RAB40C: variants seen among roughly 807,000 people sequenced by gnomAD.
RAB40C encodes RAB40C, member RAS oncogene family, also known as ras-related protein Rab-40C.
A neutral mutation model predicts 28.1 loss-of-function variants in RAB40C; 8 were observed. That is an observed-to-expected ratio of 0.28 (90% CI 0.17 to 0.51). RAB40C has a LOEUF of 0.51. Ranked by LOEUF, RAB40C falls within the 20% of genes least tolerant of loss-of-function variation. The pLI is 0.97. For synonymous variants in RAB40C, 201 were observed against 171.7 expected (o/e 1.17, Z -1.34); for missense variants, 288 against 405.9 (o/e 0.71, Z 2.50).
chr16:596,844 C>T (rs1259288303), intron 1 of RAB40C, among the ~76,000 whole-genome samples: 3 of 152,148 alleles, frequency 2.0e-5, no homozygotes, highest in African/African-American at 7.2e-5. Flanking sequence ...AGGGTGGACT[C>T]GCACTTTGAG....
chr16:603,335 A>G (rs998443961), intron 1 of RAB40C, among the ~76,000 whole-genome samples: 4 of 152,196 alleles, frequency 2.6e-5, no homozygotes, highest in South Asian at 4.1e-4. Context: ...ACTGTCCTCC[A>G]TCAGGCAGGC....
intron 1 of RAB40C, among the ~76,000 whole-genome samples, chr16:606,878 C>A (rs937851816): frequency 1.3e-5 from 2 of 152,194 alleles, no homozygotes; most frequent in African/African-American, 4.8e-5. Context: ...TCTCCCACCT[C>A]GAGATCCGTG....
At chr16:594,789 C>T in intron 1 of RAB40C, among the ~76,000 whole-genome samples, 1 of 151,566 alleles carries the variant, frequency 6.6e-6, no homozygotes, top group East Asian at 1.9e-4. Flanking sequence ...TTCTCCTCCC[C>T]TGCACTTGAT....
At chr16:617,768 G>A (rs1384994030) in intron 2 of RAB40C, among the ~76,000 whole-genome samples, 3 of 152,144 alleles carry the variant, frequency 2.0e-5, no homozygotes, top group East Asian at 1.9e-4. Flanking sequence ...ACTTGAACCC[G>A]GGAGGCAGAA....
rs1217255996 is a variant in RAB40C, at chr16:610,582, AAT to A, written c.143-6623_143-6622del. On this transcript the variant is annotated intron_variant, in intron 1 of 5. Coordinates refer to ENST00000248139, the MANE Select transcript of RAB40C (RefSeq NM_021168.5). This position sits in a 1 kb window ranked among gnomAD's most constrained non-coding sequence, Gnocchi z 4.6. ...GTAAAAATGAACAGCACACCAAGAG[AAT>A]ATGTCACAGCTGATGCCTAGGGACC... Among the ~76,000 whole-genome samples the A allele has an allele frequency of 6.6e-6, 1 of 152,090 alleles. No individual in the cohort carries two copies. The highest frequency in any genetic ancestry group is 1.5e-5 in the Non-Finnish European group (1 of 67,998).
In RAB40C at chr16:590,280, G is replaced by A. The variant is rs776780379; in HGVS notation, c.-12G>A. The A allele has an allele frequency of 7.4e-5, 111 of 1,498,254 alleles. 1 individual carries two copies. The highest frequency in any genetic ancestry group is 9.7e-5 in the Non-Finnish European group (109 of 1,123,824). The allele number at this position is 1,498,254 out of a possible 1,614,324, so 92.8% of individuals were successfully genotyped here. Reference sequence around the variant, plus strand: ...CGGCAGGCGGCCGGCGCGGGGCGCAGGCGGCGCGGCCATGGGCTCGCAGGG... The same window carrying A: ...CGGCAGGCGGCCGGCGCGGGGCGCAAGCGGCGCGGCCATGGGCTCGCAGGG... On this transcript the variant is annotated 5_prime_UTR_variant, in exon 1 of 6. Transcript: ENST00000248139.
chr16:617,064 C>T, intron 1 of RAB40C, 144 bp from the exon 2 acceptor site: 1 of 837,376 alleles, frequency 1.2e-6, no homozygotes, highest in East Asian at 2.6e-5. Context: ...GAGATTTCCC[C>T]CTGCCCCACT....
chr16:606,116 G>A (rs578246569), intron 1 of RAB40C, among the ~76,000 whole-genome samples: 2 of 152,200 alleles, frequency 1.3e-5, no homozygotes, highest in South Asian at 4.2e-4. Context: ...AGTCCTCTCG[G>A]TCCTCAGTCC....
rs1318374594 is a variant in RAB40C at position 590,188 on chromosome 16, G to A, written c.-104G>A. 1 of 876,922 alleles carries A rather than the reference G, an allele frequency of 1.1e-6. No homozygotes were observed. The highest frequency in any genetic ancestry group is 5.1e-5 in the South Asian group (1 of 19,526). 54.3% of individuals were successfully genotyped at this position (876,922 alleles called of 1,614,324 possible). A position where few individuals can be genotyped will look rare whatever the true frequency, so the allele number is the denominator to read the frequency against. ...GGCGCGCCCACTCGGCCGCCGTGGGGCGGACGCAACGGGCGCAGGTGCGGG... is the reference window on the plus strand; with the variant it reads ...GGCGCGCCCACTCGGCCGCCGTGGGACGGACGCAACGGGCGCAGGTGCGGG... On this transcript the variant is annotated 5_prime_UTR_variant, in exon 1 of 6. Coordinates refer to ENST00000248139, the MANE Select transcript of RAB40C (RefSeq NM_021168.5).
intron 1 of RAB40C, among the ~76,000 whole-genome samples, chr16:596,067 C>G (rs1477111683): frequency 2.0e-5 from 3 of 152,266 alleles, no homozygotes; most frequent in African/African-American, 4.8e-5. Context: ...AGCACTTGCT[C>G]TAAGCGCTCA....
At position 610,881 on chromosome 16, in the gene RAB40C, T is replaced by TGTGTGGTCAGAGGGCTCC. The variant is rs1360845064; in HGVS notation, c.143-6326_143-6309dup. On this transcript the variant is annotated intron_variant, in intron 1 of 5. Transcript: ENST00000248139. This position sits in a 1 kb window ranked among gnomAD's most constrained non-coding sequence, Gnocchi z 4.6. The stretch of plus-strand genomic sequence containing the variant: ...TTTCCAGAGTGACATCCTGGGGCCC[T>TGTGTGGTCAGAGGGCTCC]GTGTGGTCAGAGGGCTCCATGTGGT... Among the ~76,000 whole-genome samples, 1 of 152,096 alleles carries TGTGTGGTCAGAGGGCTCC rather than the reference T, an allele frequency of 6.6e-6. No homozygotes were observed. The highest frequency in any genetic ancestry group is 2.4e-5 in the African/African-American group (1 of 41,434).
Position 621,289 on chromosome 16 carries a change from C to T in RAB40C, c.264+3029C>T, listed in dbSNP as rs143729764. Among the ~76,000 whole-genome samples, 118 of 152,332 alleles carry T rather than the reference C, an allele frequency of 7.7e-4. 1 individual carries two copies. Among genetic ancestry groups the T allele is most frequent in the African/African-American group, 2.6e-3 (110 of 41,572 alleles). Reference sequence around the variant, plus strand: ...CTGCCTGGTGAGCAGCGGTGAGGTGCGGGTGCATCCAGCCGAGGTGCAGAG... The same window carrying T: ...CTGCCTGGTGAGCAGCGGTGAGGTGTGGGTGCATCCAGCCGAGGTGCAGAG... On this transcript the variant is annotated intron_variant, in intron 3 of 5. Transcript: ENST00000248139.
rs1396503344 is a variant in RAB40C, at chr16:627,663, T to A, written c.*41T>A. 1.3e-6 allele frequency: 2 copies of A among 1,536,080 alleles called. No individual in the cohort carries two copies. The highest frequency in any genetic ancestry group is 4.5e-5 in the East Asian group (2 of 44,154). Reference sequence around the variant, plus strand: ...CCGCCTGTGCAGATGCCAGGAGGGCTCGAGCTGGACACTCCTGGCTGGACG... The same window carrying A: ...CCGCCTGTGCAGATGCCAGGAGGGCACGAGCTGGACACTCCTGGCTGGACG... On this transcript the variant is annotated 3_prime_UTR_variant, in exon 6 of 6. Coordinates refer to ENST00000248139, the MANE Select transcript of RAB40C (RefSeq NM_021168.5).
rs547712571 is a variant in RAB40C at position 627,166 on chromosome 16, G to A, written c.566-176G>A. On this transcript the variant is annotated intron_variant, in intron 5 of 5. Transcript: ENST00000248139. ...GCAAGGCAGGGGATGGGGTGCCAGT[G>A]GACACATCTGTGCTGGGCAGAGAAG... 3.9e-5 allele frequency among the ~76,000 whole-genome samples: 6 copies of A among 152,294 alleles called. No individual in the cohort carries two copies. In the East Asian group the frequency reaches 1.2e-3, roughly 29 times the overall value.
At chr16:597,937 CAAAAAAAAAA>C (rs57539332) in intron 1 of RAB40C, among the ~76,000 whole-genome samples, 17 of 28,466 alleles carry the variant, frequency 6.0e-4, no homozygotes, top group African/African-American at 2.8e-3. Flanking sequence ...CCCATCTCTA[CAAAAAAAAAA>C]AAAAAAAAAA....
At chr16:625,390 G>A (rs1214692593) in intron 3 of RAB40C, 42 bp from the exon 4 acceptor site, 1 of 1,602,540 alleles carries the variant, frequency 6.2e-7, no homozygotes, top group African/African-American at 1.3e-5. Context: ...GGCTGGCCAT[G>A]CGTGTCAGTG....
chr16:605,530 G>T (rs890335427), intron 1 of RAB40C, among the ~76,000 whole-genome samples: 1 of 152,206 alleles, frequency 6.6e-6, no homozygotes, highest in African/African-American at 2.4e-5. Context: ...GCCTTGTCTA[G>T]TTTTCACGTC....
chr16:626,014 T>C lies in RAB40C; in HGVS notation c.458T>C (p.Phe153Ser). 1 of 1,613,286 alleles carries C rather than the reference T, an allele frequency of 6.2e-7. No individual in the cohort carries two copies. The highest frequency in any genetic ancestry group is 8.5e-7 in the Non-Finnish European group (1 of 1,179,902). ...AYAEKNCMTF[F>S]EVSPLCNFNV... ...GCAGAGAAGAACTGCATGACCTTCTTTGAGGTCAGCCCCCTGTGCAACTTC... is the reference window on the plus strand; with the variant it reads ...GCAGAGAAGAACTGCATGACCTTCTCTGAGGTCAGCCCCCTGTGCAACTTC... Residue 153 changes from phenylalanine to serine, a missense_variant, in exon 5 of 6, where the codon TTT becomes TCT. By Grantham distance (155) the Phe-to-Ser change is radical. Around this residue, in one of 3 missense-constraint regions of RAB40C, gnomAD observed 153 missense variants for 262.4 expected, o/e 0.58. Transcript: ENST00000248139.
At chr16:626,419 C>A (rs577115817) in intron 5 of RAB40C, among the ~76,000 whole-genome samples, 1 of 152,058 alleles carries the variant, frequency 6.6e-6, no homozygotes, top group Non-Finnish European at 1.5e-5. Flanking sequence ...AGTGTGTGCT[C>A]GCTCCTTCCT....
Sources: allele counts gnomAD v4.1 joint callset (sites outside exome capture counted in the v4.1 genomes callset), GRCh38; gene constraint gnomAD v4.1.1; regional missense constraint gnomAD v4.1.1; non-coding constraint Gnocchi (gnomAD v3.1); transcripts MANE v1.5; gene names NCBI Gene and HGNC (gene_info 2026-07-23, HGNC 2026-07-21).